The following WDR27 variants were observed in gnomAD, a reference collection of about 807,000 sequenced individuals.
The protein encoded by WDR27 is WD repeat-containing protein 27.
WDR27 carries 100 observed loss-of-function variants against 114.4 expected under a neutral mutation model. The ratio of observed to expected loss-of-function variants is 0.87; its 90% CI spans 0.74 to 1.03. The LOEUF is 1.03. Among genes scored for constraint, WDR27 ranks in the 50% least tolerant of loss-of-function variants. The probability of loss-of-function intolerance (pLI) is 0.00; values close to 1 mark genes in which losing one functional copy is unlikely to be tolerated. For synonymous variants in WDR27, 449 were observed against 423.1 expected (o/e 1.06, Z -0.75); for missense variants, 1,129 against 1,092.9 (o/e 1.03, Z -0.47).
chr6:169,577,378 G>C (rs964844113), intron 24 of WDR27, among the ~76,000 whole-genome samples: 1 of 152,236 alleles, frequency 6.6e-6, no homozygotes, highest in East Asian at 1.9e-4. Flanking sequence ...ATCTGCGAAC[G>C]GGCGGCCACA....
intron 25 of WDR27, among the ~76,000 whole-genome samples, chr6:169,477,698 C>G (rs1214722902): frequency 6.6e-6 from 1 of 152,186 alleles, no homozygotes; most frequent in Non-Finnish European, 1.5e-5. Context: ...CTTGGCCTCA[C>G]TATGGGATTA....
the WDR27 span, among the ~76,000 whole-genome samples, chr6:169,439,656 ATT>A: frequency 0.54 from 81,760 of 151,630 alleles, 23,669 homozygotes; most frequent in East Asian, 0.95. Flanking sequence ...TCATTTAAAT[ATT>A]TTGTTTTCCA....
chr6:169,501,694 CCTT>C (rs1791264469), intron 25 of WDR27, among the ~76,000 whole-genome samples: 1 of 107,074 alleles, frequency 9.3e-6, no homozygotes, highest in Admixed American at 8.9e-5. Context: ...TTGGTTGACT[CCTT>C]ATCTTCCCGA....
At chr6:169,612,631 T>TTAAAA (rs556504417) in intron 22 of WDR27, among the ~76,000 whole-genome samples, 3 of 97,042 alleles carry the variant, frequency 3.1e-5, no homozygotes, top group African/African-American at 1.2e-4. Context: ...CTGTCTAACA[T>TTAAAA]AAAAAAAAAA....
chr6:169,426,567 C>T, the WDR27 span: 2 of 152,174 alleles, frequency 1.3e-5, no homozygotes, highest in Admixed American at 6.5e-5. Context: ...CTTCATTTGT[C>T]CCTTTACCGT....
chr6:169,498,812 G>A (rs1440847890), intron 25 of WDR27, among the ~76,000 whole-genome samples: 1 of 152,174 alleles, frequency 6.6e-6, no homozygotes, highest in African/African-American at 2.4e-5. Context: ...GTTGCCAGGG[G>A]TTATGGATGC....
At chr6:169,688,043 A>C (rs895942959) in intron 2 of WDR27, among the ~76,000 whole-genome samples, 1 of 152,240 alleles carries the variant, frequency 6.6e-6, no homozygotes, top group African/African-American at 2.4e-5. Flanking sequence ...TTACATAAGT[A>C]GAATGTAATT....
chr6:169,442,282 C>A, the WDR27 span, among the ~76,000 whole-genome samples: 3,671 of 152,270 alleles, frequency 0.024, 145 homozygotes, highest in African/African-American at 0.084. Flanking sequence ...TCACAATATG[C>A]TCTCCTGAGG....
At chr6:169,441,700 C>T in the WDR27 span, among the ~76,000 whole-genome samples, 1 of 152,216 alleles carries the variant, frequency 6.6e-6, no homozygotes, top group Admixed American at 6.5e-5. Flanking sequence ...CTCCCTAAAA[C>T]CTTGCTAGTG....
chr6:169,608,426 C>T (rs1006314367), intron 22 of WDR27, among the ~76,000 whole-genome samples: 59 of 152,258 alleles, frequency 3.9e-4, no homozygotes, highest in African/African-American at 1.3e-3. Context: ...ATTAAACTTA[C>T]AGTTGCACAT....
At chr6:169,547,690 C>G (rs575514855) in intron 25 of WDR27, among the ~76,000 whole-genome samples, 1 of 152,218 alleles carries the variant, frequency 6.6e-6, no homozygotes, top group African/African-American at 2.4e-5. Context: ...AAACCTACAT[C>G]TAACATCACA....
At chr6:169,643,615 G>A in intron 17 of WDR27, 82 bp downstream of exon 17, 1 of 1,187,810 alleles carries the variant, frequency 8.4e-7, no homozygotes, top group Non-Finnish European at 1.2e-6. Flanking sequence ...GGAAACAAAA[G>A]TGTCCTTTAG....
At chr6:169,668,363 G>A (rs766694175) in intron 4 of WDR27, among the ~76,000 whole-genome samples, 178 bp from the exon 5 acceptor site, 4 of 152,100 alleles carry the variant, frequency 2.6e-5, no homozygotes, top group East Asian at 3.9e-4. Flanking sequence ...GGAAGCTGGC[G>A]TCTCCTCAGG....
intron 1 of WDR27, among the ~76,000 whole-genome samples, chr6:169,691,872 T>C (rs1784586422): frequency 6.6e-6 from 1 of 152,192 alleles, no homozygotes; most frequent in Non-Finnish European, 1.5e-5. Flanking sequence ...AGGACTAATG[T>C]GCATCTCCCA....
chr6:169,554,271 AC>A (rs1352125368), intron 25 of WDR27, among the ~76,000 whole-genome samples: 16 of 152,146 alleles, frequency 1.1e-4, no homozygotes, highest in African/African-American at 3.9e-4. Context: ...GCTGGGTGGG[AC>A]GGGGCTGCAG....
At chr6:169,581,744 G>A (rs1362863286) in intron 24 of WDR27, among the ~76,000 whole-genome samples, 2 of 152,334 alleles carry the variant, frequency 1.3e-5, no homozygotes, top group South Asian at 4.1e-4. Flanking sequence ...ATATACAGCG[G>A]TAGTACCGCG....
chr6:169,538,553 G>A (rs928242665), intron 25 of WDR27, among the ~76,000 whole-genome samples: 19 of 152,052 alleles, frequency 1.2e-4, no homozygotes, highest in South Asian at 6.2e-4. Flanking sequence ...ATTTTCCTTC[G>A]AAATAGTTAT....
At chr6:169,539,086 T>C (rs1034695899) in intron 25 of WDR27, among the ~76,000 whole-genome samples, 3 of 152,252 alleles carry the variant, frequency 2.0e-5, no homozygotes, top group Admixed American at 1.3e-4. Context: ...AATTCACAAC[T>C]GGGTGGATGC....
intron 1 of WDR27, among the ~76,000 whole-genome samples, chr6:169,689,671 G>A (rs1783946214): frequency 6.6e-6 from 1 of 152,190 alleles, no homozygotes. Flanking sequence ...TAACTTCACA[G>A]CATAATCACT....
Sources: allele counts gnomAD v4.1 joint callset (sites outside exome capture counted in the v4.1 genomes callset), GRCh38; gene constraint gnomAD v4.1.1; transcripts MANE v1.5; gene names NCBI Gene and HGNC (gene_info 2026-07-23, HGNC 2026-07-21).